The following SIPA1L3 variants were observed in gnomAD, a reference collection of about 807,000 sequenced individuals.
The protein encoded by SIPA1L3 is signal-induced proliferation-associated 1-like protein 3.
In SIPA1L3, 59 loss-of-function variants were observed where a neutral mutation model predicts 150.1. The observed-to-expected ratio is 0.39, with a 90% CI of 0.32 to 0.49. The LOEUF is 0.49. Ranked by LOEUF, SIPA1L3 falls within the 20% of genes least tolerant of loss-of-function variation. The pLI is 0.86. For synonymous variants in SIPA1L3, 1,070 were observed against 1,077.6 expected (o/e 0.99, Z 0.14); for missense variants, 2,211 against 2,489.5 (o/e 0.89, Z 2.38).
chr19:37,935,157 C>G (rs2046589540), intron 1 of SIPA1L3, among the ~76,000 whole-genome samples: 1 of 152,184 alleles, frequency 6.6e-6, no homozygotes, highest in Non-Finnish European at 1.5e-5. Context: ...CCAAGTCCAG[C>G]ACTGTGTTGA....
intron 4 of SIPA1L3, among the ~76,000 whole-genome samples, chr19:38,091,675 A>G (rs1299731380): frequency 6.6e-6 from 1 of 152,158 alleles, no homozygotes; most frequent in African/African-American, 2.4e-5. Context: ...CTGGGTTTTG[A>G]CTAAGTCAGC....
At chr19:38,130,428 G>C (rs1028569530) in intron 9 of SIPA1L3, 70 bp from the exon 10 acceptor site, 44 of 1,513,162 alleles carry the variant, frequency 2.9e-5, no homozygotes, top group Non-Finnish European at 3.9e-5. Context: ...AGCGGGGAAC[G>C]TGACCAGGGG....
At chr19:38,045,995 C>T (rs536421471) in intron 2 of SIPA1L3, among the ~76,000 whole-genome samples, 18 of 152,270 alleles carry the variant, frequency 1.2e-4, no homozygotes, top group African/African-American at 4.3e-4. Flanking sequence ...CACTTTCAAG[C>T]CTTGATGTCC....
intron 10 of SIPA1L3, among the ~76,000 whole-genome samples, chr19:38,140,085 CT>C (rs1971537387): frequency 6.6e-6 from 1 of 152,218 alleles, no homozygotes; most frequent in Admixed American, 6.5e-5. Flanking sequence ...TCCACCAGAT[CT>C]TTTGCTGGGT....
At chr19:38,111,023 G>GA (rs1970724147) in intron 8 of SIPA1L3, among the ~76,000 whole-genome samples, 1 of 131,918 alleles carries the variant, frequency 7.6e-6, no homozygotes, top group African/African-American at 3.9e-5. Flanking sequence ...TGTTGTTTTG[G>GA]GTTTTTTTTT....
intron 2 of SIPA1L3, among the ~76,000 whole-genome samples, chr19:38,042,783 C>T (rs988475320): frequency 1.3e-4 from 20 of 152,188 alleles, no homozygotes; most frequent in Non-Finnish European, 8.8e-5. Flanking sequence ...GACCTTCCTG[C>T]GTGAGCTGTA....
chr19:38,168,858 C>T (rs1239042132), intron 15 of SIPA1L3, among the ~76,000 whole-genome samples: 1 of 152,194 alleles, frequency 6.6e-6, no homozygotes, highest in African/African-American at 2.4e-5. Flanking sequence ...CTTATCTGCT[C>T]ATTAAAGCTG....
intron 1 of SIPA1L3, among the ~76,000 whole-genome samples, chr19:37,908,173 G>A (rs961742547): frequency 6.6e-6 from 1 of 152,160 alleles, no homozygotes; most frequent in African/African-American, 2.4e-5. Context: ...CCCTCTGAGG[G>A]TGGGGCTCTG....
At chr19:38,161,675 T>G (rs1233039143) in intron 13 of SIPA1L3, among the ~76,000 whole-genome samples, 1 of 151,946 alleles carries the variant, frequency 6.6e-6, no homozygotes, top group Non-Finnish European at 1.5e-5. Context: ...TGCAGTGAGC[T>G]GAGATCATAC....
At chr19:37,917,525 A>G (rs1473454989) in intron 1 of SIPA1L3, among the ~76,000 whole-genome samples, 1 of 152,212 alleles carries the variant, frequency 6.6e-6, no homozygotes, top group Non-Finnish European at 1.5e-5. Flanking sequence ...TTCACAGATG[A>G]GGAAGCTGAG....
intron 1 of SIPA1L3, among the ~76,000 whole-genome samples, chr19:37,929,843 G>A (rs2046537221): frequency 6.6e-6 from 1 of 152,012 alleles, no homozygotes; most frequent in Non-Finnish European, 1.5e-5. Context: ...ATGTATGTCT[G>A]TATCTATGTA....
chr19:38,159,569 C>G (rs1178647301), intron 13 of SIPA1L3, among the ~76,000 whole-genome samples: 2 of 152,262 alleles, frequency 1.3e-5, no homozygotes, highest in Non-Finnish European at 2.9e-5. Flanking sequence ...TCACTCTCCA[C>G]CACTGCCAGC....
At chr19:38,203,762 C>T (rs560172174) in intron 20 of SIPA1L3, 10 of 204,684 alleles carry the variant, frequency 4.9e-5, no homozygotes, top group East Asian at 1.3e-4. Flanking sequence ...TGCCTGGACC[C>T]GCCAGGTGCT....
rs1454931129 is a variant in SIPA1L3, at chr19:38,082,696, C to T, written c.1131C>T (p.Ala377=). The T allele has an allele frequency of 6.2e-7, 1 of 1,609,938 alleles. No homozygotes were observed. ...CCACGGGTGCTTCGGCCGCTTCCGC[C>T]GCCTCGGCCATGGCCTCCCTCACGG... ...NTTTGASAAS[A]ASAMASLTAS... is the part of the protein sequence containing the mutation. The change falls in exon 3 of 22, where the codon GCC becomes GCT. Residue 377 remains alanine, a synonymous_variant. Transcript: ENST00000222345.
intron 17 of SIPA1L3, 80 bp downstream of exon 17, chr19:38,192,390 G>A (rs374121341): frequency 3.0e-6 from 4 of 1,342,142 alleles, no homozygotes; most frequent in Non-Finnish European, 3.0e-6. Context: ...GAGAAGGGCT[G>A]TGCTCCCCAC....
intron 1 of SIPA1L3, among the ~76,000 whole-genome samples, chr19:37,980,552 T>C (rs1158789283): frequency 6.6e-6 from 1 of 152,126 alleles, no homozygotes; most frequent in Non-Finnish European, 1.5e-5. Context: ...AACAGCATGC[T>C]TCCAGGTTCC....
intron 2 of SIPA1L3, among the ~76,000 whole-genome samples, chr19:38,035,439 C>T (rs1243448998): frequency 6.6e-6 from 1 of 152,192 alleles, no homozygotes; most frequent in Non-Finnish European, 1.5e-5. Context: ...GCTGTGGGAA[C>T]CCCAAGAAGG....
chr19:37,941,425 G>A (rs955691212), intron 1 of SIPA1L3, among the ~76,000 whole-genome samples: 1 of 150,756 alleles, frequency 6.6e-6, no homozygotes, highest in Non-Finnish European at 1.5e-5. Flanking sequence ...TTGAACAATT[G>A]GGCTGGTGGT....
intron 15 of SIPA1L3, 121 bp downstream of exon 15, chr19:38,165,027 A>G (rs1600159026): frequency 1.0e-6 from 1 of 963,850 alleles, no homozygotes; most frequent in Non-Finnish European, 1.5e-6. Flanking sequence ...GCGCCTAGTC[A>G]TTGGTTTGCT....
Sources: allele counts gnomAD v4.1 joint callset (sites outside exome capture counted in the v4.1 genomes callset), GRCh38; gene constraint gnomAD v4.1.1; transcripts MANE v1.5; gene names NCBI Gene and HGNC (gene_info 2026-07-23, HGNC 2026-07-21).